ZZZ3: variants seen among roughly 807,000 people sequenced by gnomAD.
ZZZ3 encodes ZZ-type zinc finger-containing protein 3.
Under a neutral mutation model 95.2 loss-of-function variants are expected in ZZZ3, and 22 were observed. The ratio of observed to expected loss-of-function variants is 0.23; its 90% CI spans 0.17 to 0.33. The LOEUF is 0.33. Ranked by LOEUF, ZZZ3 falls within the 10% of genes least tolerant of loss-of-function variation. The pLI, the probability that ZZZ3 is intolerant of heterozygous loss-of-function variation, is 1.00. For synonymous variants in ZZZ3, 335 were observed against 358.9 expected, an observed-to-expected ratio of 0.93 and a Z score of 0.75; for missense variants, 885 against 1,066.5, an observed-to-expected ratio of 0.83 and a Z score of 2.37.
intron 5 of ZZZ3, among the ~76,000 whole-genome samples, chr1:77,626,206 A>G (rs916404677): frequency 3.3e-5 from 5 of 152,212 alleles, no homozygotes; most frequent in Admixed American, 6.5e-5. Flanking sequence ...TTAGAGCAGC[A>G]GTCCCCAACC....
intron 1 of ZZZ3, among the ~76,000 whole-genome samples, chr1:77,665,208 T>C (rs993188963): frequency 1.2e-4 from 18 of 152,186 alleles, no homozygotes; most frequent in African/African-American, 4.1e-4. Context: ...GAAACCAACA[T>C]CAACTTAGAG....
rs1398870879 is a variant in ZZZ3, at chr1:77,658,190, A to AC, written c.-402-16536_-402-16535insG. 6.1e-3 allele frequency among the ~76,000 whole-genome samples: 920 copies of AC among 151,422 alleles called. 5 individuals carry two copies. The highest frequency in any genetic ancestry group is 0.012 in the African/African-American group (503 of 41,310). On this transcript the variant is annotated intron_variant, in intron 1 of 14. Coordinates refer to ENST00000370801, the MANE Select transcript of ZZZ3 (RefSeq NM_015534.6). ...CGAGACTTTGTCTCAAAAAAAAAAA[A>AC]AAAAAAAAAAAACACAACATACTAG...
intron 11 of ZZZ3, among the ~76,000 whole-genome samples, chr1:77,577,058 C>T (rs942043723): frequency 6.6e-6 from 1 of 152,134 alleles, no homozygotes; most frequent in African/African-American, 2.4e-5. Flanking sequence ...CTATGTGGTG[C>T]CCAAATTCTC....
rs58597820 is a variant in ZZZ3 at position 77,622,136 on chromosome 1, C to CAA, written c.1505+9712_1505+9713dup. Among the ~76,000 whole-genome samples the CAA allele has an allele frequency of 8.4e-3, 684 of 81,828 alleles. 10 individuals are homozygous for CAA. The highest frequency in any genetic ancestry group is 0.03 in the African/African-American group (630 of 21,218). 53.7% of individuals were successfully genotyped at this position (81,828 alleles called of 152,430 possible). On this transcript the variant is annotated intron_variant, in intron 5 of 14. Coordinates refer to ENST00000370801, the MANE Select transcript of ZZZ3 (RefSeq NM_015534.6). ...GCAACATAATGAGGCCTTGTCTCCA[C>CAA]AAAAAAAAAAAAAAAAAAAAATTAG...
chr1:77,632,225 G>T lies in ZZZ3; in HGVS notation c.1130C>A (p.Thr377Asn). 6.2e-7 allele frequency: 1 copy of T among 1,613,972 alleles called. No individual in the cohort carries two copies. The highest frequency in any genetic ancestry group is 8.5e-7 in the Non-Finnish European group (1 of 1,180,006). The change falls in exon 5 of 15, where the codon ACT becomes AAT. Residue 377 changes from threonine (T) to asparagine (N), a missense_variant. Physicochemically the swap from Thr to Asn is moderately conservative, Grantham distance 65. Around this residue, in one of 5 missense-constraint regions of ZZZ3, gnomAD observed 556 missense variants for 652.9 expected, o/e 0.85. Transcript: ENST00000370801. ...SLSEPQEHRY[T>N]LRTSPRRAAP... ...TGCCCTTCGTGGTGAGGTTCTCAGA[G>T]TATAACGATGTTCTTGAGGTTCTGA... is the stretch of plus-strand genomic sequence containing the variant.
chr1:77,624,484 A>G (rs1031063401), intron 5 of ZZZ3, among the ~76,000 whole-genome samples: 2 of 94,258 alleles, frequency 2.1e-5, no homozygotes, highest in African/African-American at 5.5e-5. Flanking sequence ...ATTTTGAAAA[A>G]CCCCTAAAAG....
At chr1:77,650,236 G>A (rs1023122382) in intron 1 of ZZZ3, among the ~76,000 whole-genome samples, 1 of 151,900 alleles carries the variant, frequency 6.6e-6, no homozygotes, top group Non-Finnish European at 1.5e-5. Context: ...AAAGCATATA[G>A]AAAAAATAAA....
At chr1:77,590,634 G>C (rs1663591530) in intron 5 of ZZZ3, among the ~76,000 whole-genome samples, 1 of 152,160 alleles carries the variant, frequency 6.6e-6, no homozygotes, top group African/African-American at 2.4e-5. Flanking sequence ...CATAATCTTG[G>C]GCTAGATCCC....
At chr1:77,597,445 T>C (rs564133029) in intron 5 of ZZZ3, among the ~76,000 whole-genome samples, 1 of 151,908 alleles carries the variant, frequency 6.6e-6, no homozygotes, top group Non-Finnish European at 1.5e-5. Context: ...GTGACTTCCT[T>C]CCAAAGAATA....
chr1:77,580,975 C>T, intron 9 of ZZZ3, 23 bp downstream of exon 9: 1 of 1,604,934 alleles, frequency 6.2e-7, no homozygotes, highest in African/African-American at 1.3e-5. Context: ...TTTAAGCCTA[C>T]ACGATTTTGA....
intron 1 of ZZZ3, among the ~76,000 whole-genome samples, chr1:77,647,427 G>A (rs560678587): frequency 6.6e-6 from 1 of 151,954 alleles, no homozygotes; most frequent in South Asian, 2.1e-4. Context: ...GCTGAGGCAT[G>A]AGAATCGCTT....
At chr1:77,679,532 C>T (rs999168327) in intron 1 of ZZZ3, among the ~76,000 whole-genome samples, 1 of 152,092 alleles carries the variant, frequency 6.6e-6, no homozygotes, top group African/African-American at 2.4e-5. Flanking sequence ...GCAATCCTCC[C>T]ACCTCGGCCT....
At chr1:77,626,314 T>C (rs995629236) in intron 5 of ZZZ3, among the ~76,000 whole-genome samples, 6 of 152,234 alleles carry the variant, frequency 3.9e-5, no homozygotes, top group Non-Finnish European at 8.8e-5. Context: ...ACATTTACTG[T>C]GTACTTTATT....
In ZZZ3 at chr1:77,565,480, A is replaced by G. The variant is rs1405452511; in HGVS notation, c.*160T>C. 3 of 663,808 alleles carry G rather than the reference A, an allele frequency of 4.5e-6. No homozygotes were observed. Among genetic ancestry groups the G allele is most frequent in the African/African-American group, 3.7e-5 (2 of 53,696 alleles). The allele number at this position is 663,808 out of a possible 1,614,324, so 41.1% of individuals were successfully genotyped here. A position where few individuals can be genotyped will look rare whatever the true frequency, so the allele number is the denominator to read the frequency against. ...CTGCTGAACAGTGATCTAGAGCCACAACGGTGCAGAGCTGTACTTGACGAG... is the reference window on the plus strand; with the variant it reads ...CTGCTGAACAGTGATCTAGAGCCACGACGGTGCAGAGCTGTACTTGACGAG... On this transcript the variant is annotated 3_prime_UTR_variant, in exon 15 of 15. Coordinates refer to ENST00000370801, the MANE Select transcript of ZZZ3 (RefSeq NM_015534.6).
At chr1:77,644,099 C>T (rs1250766934) in intron 1 of ZZZ3, among the ~76,000 whole-genome samples, 2 of 149,540 alleles carry the variant, frequency 1.3e-5, no homozygotes, top group Non-Finnish European at 3.0e-5. Flanking sequence ...GCGTTTTGCT[C>T]TTGTTGCCCA....
intron 5 of ZZZ3, among the ~76,000 whole-genome samples, chr1:77,610,984 G>C (rs781411327): frequency 4.0e-5 from 6 of 151,718 alleles, no homozygotes; most frequent in Non-Finnish European, 7.4e-5. Context: ...TTAGTCAAGA[G>C]AAAGAAATAA....
At position 77,641,630 on chromosome 1, in the gene ZZZ3, A is replaced by G. The variant is rs555566945; in HGVS notation, c.-377T>C. 157 of 398,136 alleles carry G rather than the reference A, an allele frequency of 3.9e-4. 1 individual carries two copies. Among genetic ancestry groups the G allele is most frequent in the African/African-American group, 3.1e-3 (149 of 48,732 alleles). 24.7% of individuals were successfully genotyped at this position (398,136 alleles called of 1,614,324 possible). On this transcript the variant is annotated 5_prime_UTR_variant, in exon 2 of 15. Coordinates refer to ENST00000370801, the MANE Select transcript of ZZZ3 (RefSeq NM_015534.6). ...GAGACTTCAGGTATTATTTATTTATATGGTTGTACTAGAATAACTTGATAT... is the reference window on the plus strand; with the variant it reads ...GAGACTTCAGGTATTATTTATTTATGTGGTTGTACTAGAATAACTTGATAT...
chr1:77,564,174 C>T lies in ZZZ3; in HGVS notation c.*1466G>A, dbSNP rs1461148639. The stretch of plus-strand genomic sequence containing the variant: ...TACATGGGGGCTTATCTTCATGAGA[C>T]ACAACTAGAAAAAAAATTTTCAACT... On this transcript the variant is annotated 3_prime_UTR_variant, in exon 15 of 15. Coordinates refer to ENST00000370801, the MANE Select transcript of ZZZ3 (RefSeq NM_015534.6). 1 of 151,998 alleles carries T rather than the reference C, an allele frequency of 6.6e-6. No homozygotes were observed. Among genetic ancestry groups the T allele is most frequent in the African/African-American group, 2.4e-5 (1 of 41,408 alleles). 9.4% of individuals were successfully genotyped at this position (151,998 alleles called of 1,614,324 possible).
rs140940009 is a variant in ZZZ3, at chr1:77,581,075, C to T, written c.1909-6G>A. On this transcript the variant is annotated splice_region_variant and splice_polypyrimidine_tract_variant and intron_variant, in intron 8 of 14. Coordinates refer to ENST00000370801, the MANE Select transcript of ZZZ3 (RefSeq NM_015534.6). ...CACAAGCGTCCTCTTATCATCTGCACATAAGACAAGGCTTTTGTCAGAGAG... is the reference window on the plus strand; with the variant it reads ...CACAAGCGTCCTCTTATCATCTGCATATAAGACAAGGCTTTTGTCAGAGAG... 3 of 1,612,894 alleles carry T rather than the reference C, an allele frequency of 1.9e-6. No individual in the cohort carries two copies. Among genetic ancestry groups the T allele is most frequent in the South Asian group, 2.2e-5 (2 of 91,048 alleles).
Sources: gnomAD v4.1 joint callset for allele counts (sites outside exome capture counted in the v4.1 genomes callset) on GRCh38, gnomAD v4.1.1 for gene constraint, gnomAD v4.1.1 regional missense constraint, MANE v1.5 for transcripts, NCBI Gene and HGNC (gene_info 2026-07-23, HGNC 2026-07-21) for gene names.